Variants in LTF observed in about 807,000 individuals in gnomAD.
LTF encodes the protein epididymis luminal protein 110.
In LTF, 91 loss-of-function variants were observed where a neutral mutation model predicts 87.2. The observed-to-expected ratio is 1.04, with a 90% CI of 0.88 to 1.24. The LOEUF (loss-of-function observed/expected upper bound fraction) is 1.24, where lower values mean the gene tolerates loss of function less well. Ranked by LOEUF, LTF falls within the 50% of genes most tolerant of loss-of-function variation. LTF has a pLI of 0.00. For missense variants in LTF, 901 were observed against 904.3 expected, an observed-to-expected ratio of 1.00 and a Z score of 0.05; for synonymous variants, 378 against 356.1, an observed-to-expected ratio of 1.06 and a Z score of -0.69.
In LTF at chr3:46,437,963, T is replaced by C; in HGVS notation, c.2075A>G (p.Asn692Ser). Residue 692 changes from asparagine to serine, a missense_variant, in exon 16 of 17, where the codon AAT (asparagine) becomes AGT (serine). Physicochemically the swap from Asn to Ser is conservative, Grantham distance 46. Transcript: ENST00000231751. Reference protein sequence around the residue: ...LGPQYVAGITNLKKCSTSPLL... With the variant: ...LGPQYVAGITSLKKCSTSPLL... Reference sequence around the variant, plus strand: ...ACGGGAGGTTGAGCACTTTTTCAGATTAGTAATGCCTGCGACATACTGTGG... The same window carrying C: ...ACGGGAGGTTGAGCACTTTTTCAGACTAGTAATGCCTGCGACATACTGTGG... 1 of 1,614,078 alleles carries C rather than the reference T, an allele frequency of 6.2e-7. No individual in the cohort carries two copies. The highest frequency in any genetic ancestry group is 1.1e-5 in the South Asian group (1 of 91,068).
chr3:46,441,331 T>C, intron 14 of LTF, 85 bp downstream of exon 14: 1 of 1,102,512 alleles, frequency 9.1e-7, no homozygotes, highest in Admixed American at 2.5e-5. Context: ...TTATAAAACC[T>C]TCCCAAAGGC....
chr3:46,482,655 A>AAGGAAG (rs1703458397), intron 1 of LTF, among the ~76,000 whole-genome samples: 4 of 87,114 alleles, frequency 4.6e-5, no homozygotes, highest in Non-Finnish European at 7.0e-5. Context: ...AAAGAAAGAA[A>AAGGAAG]GAAAGAAGGA....
chr3:46,459,449 C>A (rs577215955), intron 2 of LTF, among the ~76,000 whole-genome samples: 1 of 152,328 alleles, frequency 6.6e-6, no homozygotes, highest in Admixed American at 6.5e-5. Context: ...TGTGGAGGCT[C>A]CAGGTTCCTC....
At chr3:46,455,464 A>G (rs761086267) in intron 4 of LTF, 22 bp from the exon 5 acceptor site, 2 of 1,614,114 alleles carry the variant, frequency 1.2e-6, no homozygotes, top group South Asian at 2.2e-5. Flanking sequence ...AGAGAAGTGG[A>G]CCACAGAGTG....
intron 2 of LTF, among the ~76,000 whole-genome samples, chr3:46,458,663 C>T (rs1242621668): frequency 2.6e-5 from 4 of 152,224 alleles, no homozygotes; most frequent in Non-Finnish European, 5.9e-5. Context: ...CAACCTCCCC[C>T]TCCCGGGTTC....
intron 9 of LTF, among the ~76,000 whole-genome samples, chr3:46,448,086 G>C (rs1274279424): frequency 6.6e-6 from 1 of 152,150 alleles, no homozygotes; most frequent in Non-Finnish European, 1.5e-5. Context: ...GTTTTCGTCC[G>C]AGTGCTGTGG....
At chr3:46,465,511 C>G (rs2106909953), upstream of LTF, among the ~76,000 whole-genome samples, 1 of 152,294 alleles carries the variant, frequency 6.6e-6, no homozygotes, top group East Asian at 1.9e-4. Flanking sequence ...AGACAGGGAC[C>G]TCAGAGGGGA....
intron 1 of LTF, among the ~76,000 whole-genome samples, chr3:46,476,745 C>A (rs1703363687): frequency 6.6e-6 from 1 of 152,212 alleles, no homozygotes; most frequent in Non-Finnish European, 1.5e-5. Context: ...TGACATCTAA[C>A]ACAATGTATT....
At chr3:46,459,172 C>G (rs1000900619) in intron 2 of LTF, among the ~76,000 whole-genome samples, 2 of 152,096 alleles carry the variant, frequency 1.3e-5, no homozygotes, top group African/African-American at 4.8e-5. Context: ...GTCATGATAC[C>G]CTTTTCTCTC....
chr3:46,478,209 G>C (rs1308339586), intron 1 of LTF, among the ~76,000 whole-genome samples: 1 of 152,066 alleles, frequency 6.6e-6, no homozygotes, highest in Non-Finnish European at 1.5e-5. Context: ...ACTGCCCTGA[G>C]ACTTTTCCTA....
intron 13 of LTF, 91 bp downstream of exon 13, chr3:46,443,350 C>T: frequency 6.7e-7 from 1 of 1,481,776 alleles, no homozygotes; most frequent in Non-Finnish European, 9.3e-7. Flanking sequence ...TCTGCTGTGA[C>T]AGGTCACATC....
At chr3:46,459,425 G>A (rs1380265291) in intron 2 of LTF, among the ~76,000 whole-genome samples, 1 of 152,216 alleles carries the variant, frequency 6.6e-6, no homozygotes, top group Non-Finnish European at 1.5e-5. Flanking sequence ...AATAACAGTT[G>A]TTATTATAGT....
intron 6 of LTF, among the ~76,000 whole-genome samples, chr3:46,450,999 G>A (rs952928605): frequency 1.3e-5 from 2 of 152,174 alleles, no homozygotes; most frequent in Admixed American, 6.5e-5. Flanking sequence ...AAGTCACTTT[G>A]CAGAGACAAG....
At position 46,436,243 on chromosome 3, in the gene LTF, C is replaced by G; in HGVS notation, c.2099-14G>C. 6.2e-7 allele frequency: 1 copy of G among 1,613,144 alleles called. No individual in the cohort carries two copies. The stretch of plus-strand genomic sequence containing the variant: ...CTTCCAGGAGGGCTGTGGGACACAA[C>G]AGAGCAAGAGATTCAGAAACTGATT... On this transcript the variant is annotated splice_polypyrimidine_tract_variant and intron_variant, in intron 16 of 16. Coordinates refer to ENST00000231751, the MANE Select transcript of LTF (RefSeq NM_002343.6).
chr3:46,455,776 C>G lies in LTF; in HGVS notation c.499+20G>C. Reference sequence around the variant, plus strand: ...AGAGCCCCCTGCCTGAGGCCACTCACTATCCCCCAGCCATCTTACCTGCCT... The same window carrying G: ...AGAGCCCCCTGCCTGAGGCCACTCAGTATCCCCCAGCCATCTTACCTGCCT... On this transcript the variant is annotated intron_variant, in intron 4 of 16. Coordinates refer to ENST00000231751, the MANE Select transcript of LTF (RefSeq NM_002343.6). The G allele has an allele frequency of 1.3e-6, 2 of 1,544,992 alleles. No individual in the cohort carries two copies. Among genetic ancestry groups the G allele is most frequent in the Middle Eastern group, 1.7e-4 (1 of 5,728 alleles).
chr3:46,465,417 G>A (rs1213065534), upstream of LTF, among the ~76,000 whole-genome samples: 1 of 152,200 alleles, frequency 6.6e-6, no homozygotes, highest in East Asian at 1.9e-4. Flanking sequence ...ACAGAGAAAA[G>A]AGAGGCTGCC....
At chr3:46,441,286 T>G (rs1702509422) in intron 14 of LTF, 130 bp downstream of exon 14, 1 of 677,950 alleles carries the variant, frequency 1.5e-6, no homozygotes, top group African/African-American at 1.8e-5. Context: ...AGATAAAGAA[T>G]TTTGGAGTTC....
chr3:46,441,437 T>G lies in LTF; in HGVS notation c.1702A>C (p.Thr568Pro), dbSNP rs1363197019. The part of the protein sequence containing the change: ...AGDVAFVKDV[T>P]VLQNTDGNNN... Reference sequence around the variant, plus strand: ...CTACCATCAGTGTTCTGCAAGACAGTGACATCTTTCACAAATGCAACGTCT... The same window carrying G: ...CTACCATCAGTGTTCTGCAAGACAGGGACATCTTTCACAAATGCAACGTCT... Residue 568 changes from threonine to proline, a missense_variant, in exon 14 of 17, where the codon ACT becomes CCT. Thr to Pro is a conservative substitution (Grantham distance 38, BLOSUM62 -1). Transcript: ENST00000231751. The G allele has an allele frequency of 6.2e-7, 1 of 1,613,762 alleles. No homozygotes were observed.
At chr3:46,455,673 G>T in intron 4 of LTF, 123 bp downstream of exon 4, 2 of 1,238,366 alleles carry the variant, frequency 1.6e-6, no homozygotes, top group Non-Finnish European at 2.3e-6. Context: ...GTTACAAGCT[G>T]GCCAGCCTCA....
Sources: allele counts gnomAD v4.1 joint callset (sites outside exome capture counted in the v4.1 genomes callset), GRCh38; gene constraint gnomAD v4.1.1; transcripts MANE v1.5; gene names NCBI Gene and HGNC (gene_info 2026-07-23, HGNC 2026-07-21).